IQCK: variants seen among roughly 807,000 people sequenced by gnomAD.
The protein encoded by IQCK is IQ domain-containing protein K.
IQCK carries 29 observed loss-of-function variants against 28.1 expected under a neutral mutation model. The ratio of observed to expected loss-of-function variants is 1.03; its 90% CI spans 0.77 to 1.41. The LOEUF (loss-of-function observed/expected upper bound fraction) is 1.41, where lower values mean the gene tolerates loss of function less well. Among genes scored for constraint, IQCK ranks in the 40% most tolerant of loss-of-function variants. The pLI, the probability that IQCK is intolerant of heterozygous loss-of-function variation, is 0.00. For synonymous variants in IQCK, 113 were observed against 115.1 expected, an observed-to-expected ratio of 0.98 and a Z score of 0.12; for missense variants, 359 against 314.7, an observed-to-expected ratio of 1.14 and a Z score of -1.07.
At chr16:19,732,350 C>T (rs1216150935) in intron 2 of IQCK, among the ~76,000 whole-genome samples, 1 of 152,156 alleles carries the variant, frequency 6.6e-6, no homozygotes, top group Non-Finnish European at 1.5e-5. Flanking sequence ...TGGGTCTCTT[C>T]TATGAATAGC....
intron 9 of IQCK, among the ~76,000 whole-genome samples, chr16:19,839,485 A>G (rs1016506899): frequency 6.6e-6 from 1 of 151,828 alleles, no homozygotes; most frequent in African/African-American, 2.4e-5. Flanking sequence ...TTAATGATTT[A>G]TTTTGTTTAT....
intron 9 of IQCK, among the ~76,000 whole-genome samples, chr16:19,835,607 CAG>C (rs1260803129): frequency 7.1e-6 from 1 of 139,948 alleles, no homozygotes; most frequent in Non-Finnish European, 1.5e-5. Flanking sequence ...TTTTTTGAGA[CAG>C]AGTCTTGCTC....
chr16:19,821,916 C>CAAAAAATT, intron 7 of IQCK, among the ~76,000 whole-genome samples: 1 of 151,156 alleles, frequency 6.6e-6, no homozygotes, highest in African/African-American at 2.4e-5. Flanking sequence ...TCTACAAAAA[C>CAAAAAATT]AAAAAATTAA....
intron 7 of IQCK, among the ~76,000 whole-genome samples, chr16:19,810,631 G>A (rs922031850): frequency 1.3e-5 from 2 of 152,022 alleles, no homozygotes; most frequent in African/African-American, 4.8e-5. Flanking sequence ...TGGCCAACAT[G>A]GCGAAACCCT....
chr16:19,815,587 C>T (rs1204494259), intron 7 of IQCK, among the ~76,000 whole-genome samples: 5 of 152,166 alleles, frequency 3.3e-5, no homozygotes, highest in Non-Finnish European at 7.4e-5. Flanking sequence ...GGGAGGATCC[C>T]TTGAGCCCGG....
At chr16:19,734,083 A>G (rs1977927876) in intron 3 of IQCK, 1 of 364,364 alleles carries the variant, frequency 2.7e-6, no homozygotes, top group South Asian at 3.5e-5. Context: ...AGAGAACAGT[A>G]AACACATGTA....
intron 7 of IQCK, among the ~76,000 whole-genome samples, chr16:19,808,136 G>A (rs757131478): frequency 4.6e-5 from 7 of 152,058 alleles, no homozygotes; most frequent in Non-Finnish European, 8.8e-5. Flanking sequence ...AGGGCCACCC[G>A]GCAGGCCAAA....
chr16:19,813,642 T>C (rs2055936689), intron 7 of IQCK, among the ~76,000 whole-genome samples: 2 of 152,184 alleles, frequency 1.3e-5, no homozygotes, highest in Non-Finnish European at 2.9e-5. Flanking sequence ...CTAAATGATA[T>C]ACTTCAGCTA....
chr16:19,736,013 C>T (rs541354610), intron 4 of IQCK: 2 of 430,766 alleles, frequency 4.6e-6, no homozygotes, highest in East Asian at 1.4e-4. Context: ...TTGCAGTGAT[C>T]CATGATCACG....
Position 19,798,400 on chromosome 16 carries a change from G to C in IQCK, c.690+9478G>C, listed in dbSNP as rs566051360. Among the ~76,000 whole-genome samples the C allele has an allele frequency of 3.6e-4, 43 of 119,762 alleles. 2 individuals carry two copies. The highest frequency in any genetic ancestry group is 5.5e-4 in the Non-Finnish European group (37 of 67,136). 78.6% of individuals were successfully genotyped at this position (119,762 alleles called of 152,430 possible). On this transcript the variant is annotated intron_variant, in intron 7 of 7. Coordinates refer to ENST00000564186, the Ensembl canonical transcript of IQCK. Reference sequence around the variant, plus strand: ...GCCATTGCACTCCAGCCTGGCGACAGAGCCAGAGTCCATCACAAAAAATAT... The same window carrying C: ...GCCATTGCACTCCAGCCTGGCGACACAGCCAGAGTCCATCACAAAAAATAT...
chr16:19,836,301 C>T (rs1351464566), intron 9 of IQCK, among the ~76,000 whole-genome samples: 1 of 152,104 alleles, frequency 6.6e-6, no homozygotes, highest in Non-Finnish European at 1.5e-5. Flanking sequence ...CTTGGCACTG[C>T]CTTCACCAAT....
At chr16:19,807,312 A>C (rs941365570) in intron 7 of IQCK, among the ~76,000 whole-genome samples, 4 of 152,194 alleles carry the variant, frequency 2.6e-5, no homozygotes, top group Non-Finnish European at 5.9e-5. Context: ...AGCTGCTCCT[A>C]TGTTCCTAAT....
intron 6 of IQCK, among the ~76,000 whole-genome samples, chr16:19,771,901 G>T (rs1179621651): frequency 6.6e-6 from 1 of 152,152 alleles, no homozygotes; most frequent in Non-Finnish European, 1.5e-5. Flanking sequence ...GGTTGCAACA[G>T]CTGCTGTGGT....
intron 4 of IQCK, among the ~76,000 whole-genome samples, chr16:19,752,205 G>A (rs968556343): frequency 6.6e-6 from 1 of 152,174 alleles, no homozygotes; most frequent in African/African-American, 2.4e-5. Flanking sequence ...ATTGGAACAC[G>A]AGCGATCAGA....
downstream of IQCK, among the ~76,000 whole-genome samples, chr16:19,828,313 A>G (rs950032518): frequency 9.9e-5 from 14 of 141,478 alleles, no homozygotes; most frequent in African/African-American, 3.7e-4. Flanking sequence ...AGCTCACTGC[A>G]ACCTCCGCCT....
chr16:19,724,150 G>T (rs1977582353), intron 1 of IQCK, among the ~76,000 whole-genome samples: 1 of 152,032 alleles, frequency 6.6e-6, no homozygotes, highest in African/African-American at 2.4e-5. Context: ...CTTTCCACAA[G>T]CTTTGTCTCT....
intron 6 of IQCK, among the ~76,000 whole-genome samples, chr16:19,784,004 GA>G (rs34122713): frequency 0.18 from 27,371 of 152,014 alleles, 2,555 homozygotes; most frequent in South Asian, 0.27. Context: ...CATCGGTTGT[GA>G]AAAACATACT....
At chr16:19,784,121 C>T (rs1038250522) in intron 6 of IQCK, among the ~76,000 whole-genome samples, 15 of 152,160 alleles carry the variant, frequency 9.9e-5, no homozygotes, top group South Asian at 2.1e-4. Flanking sequence ...GGATTCCCTG[C>T]GGAGGTTCAG....
At chr16:19,718,344 G>A (rs1977320750) in exon 1 of IQCK, 3 of 1,610,160 alleles carry the variant, frequency 1.9e-6, no homozygotes, top group Non-Finnish European at 2.5e-6. Context: ...CACATAGTGC[G>A]CCTCAAGCCC....
Sources: gnomAD v4.1 joint callset for allele counts (sites outside exome capture counted in the v4.1 genomes callset) on GRCh38, gnomAD v4.1.1 for gene constraint, MANE v1.5 for transcripts, NCBI Gene and HGNC (gene_info 2026-07-23, HGNC 2026-07-21) for gene names.